Variants in XKR9 observed in about 807,000 individuals in gnomAD.
XKR9 encodes the protein XK related 9, also known as XK-related protein 9.
XKR9 carries 32 observed loss-of-function variants against 32.0 expected under a neutral mutation model. The ratio of observed to expected loss-of-function variants is 1.00; its 90% confidence interval spans 0.76 to 1.34. The LOEUF (loss-of-function observed/expected upper bound fraction) is 1.34. XKR9 is among the 40% of genes most tolerant of loss of function. The pLI, the probability that XKR9 is intolerant of heterozygous loss-of-function variation, is 0.00. For synonymous variants in XKR9, 168 were observed against 143.4 expected (o/e 1.17, Z -1.22); for missense variants, 546 against 429.7 (o/e 1.27, Z -2.39).
chr8:71,014,079 C>T, the XKR9 span, among the ~76,000 whole-genome samples: 1 of 152,048 alleles, frequency 6.6e-6, no homozygotes, highest in Non-Finnish European at 1.5e-5. Flanking sequence ...TCTGTGACTC[C>T]GGAGTTTTCA....
chr8:70,778,215 ATTTCTTG>A (rs1259926821), intron 2 of XKR9, among the ~76,000 whole-genome samples: 1 of 152,134 alleles, frequency 6.6e-6, no homozygotes, highest in African/African-American at 2.4e-5. Flanking sequence ...TCCTTTCCCC[ATTTCTTG>A]TTTTTGTCAG....
chr8:70,819,974 G>A, the XKR9 span, among the ~76,000 whole-genome samples: 6 of 152,112 alleles, frequency 3.9e-5, no homozygotes, highest in African/African-American at 1.4e-4. Context: ...TTCTAACAAG[G>A]CCCCTTTGGA....
the XKR9 span, among the ~76,000 whole-genome samples, chr8:71,031,680 G>A: frequency 4.6e-5 from 7 of 152,318 alleles, no homozygotes; most frequent in South Asian, 1.2e-3. Flanking sequence ...AAATCCTTGA[G>A]TGGCACCTGA....
the XKR9 span, among the ~76,000 whole-genome samples, chr8:71,030,376 T>C: frequency 6.6e-6 from 1 of 152,174 alleles, no homozygotes; most frequent in Non-Finnish European, 1.5e-5. Flanking sequence ...GGGAGCTGAG[T>C]AGGGCAAGTA....
chr8:70,794,528 C>T (rs1461359532), downstream of XKR9, among the ~76,000 whole-genome samples: 1 of 151,866 alleles, frequency 6.6e-6, no homozygotes, highest in Non-Finnish European at 1.5e-5. Context: ...GTTCTGTTTT[C>T]CTAGTTTGTT....
chr8:70,740,358 T>G (rs1434423555), downstream of XKR9, among the ~76,000 whole-genome samples: 3 of 152,098 alleles, frequency 2.0e-5, no homozygotes, highest in African/African-American at 4.8e-5. Context: ...TTATTCTAGT[T>G]ATACATTTGT....
At chr8:70,959,304 A>G in the XKR9 span, among the ~76,000 whole-genome samples, 2 of 152,190 alleles carry the variant, frequency 1.3e-5, no homozygotes, top group African/African-American at 2.4e-5. Context: ...TTTTTCACAT[A>G]TAGGATATTA....
chr8:70,885,818 G>A, the XKR9 span, among the ~76,000 whole-genome samples: 8 of 152,078 alleles, frequency 5.3e-5, no homozygotes, highest in South Asian at 4.1e-4. Context: ...GGATGGTCTC[G>A]ATCTCCTGAC....
chr8:70,846,373 A>G, the XKR9 span, among the ~76,000 whole-genome samples: 1 of 152,100 alleles, frequency 6.6e-6, no homozygotes, highest in Non-Finnish European at 1.5e-5. Context: ...ATAAAACACA[A>G]GGCTAGAGAA....
chr8:70,724,443 A>AAAC (rs1192496464), intron 4 of XKR9, among the ~76,000 whole-genome samples: 1 of 151,870 alleles, frequency 6.6e-6, no homozygotes, highest in East Asian at 2.0e-4. Context: ...AAAAAAAAAA[A>AAAC]AAACTCCTGC....
the XKR9 span, among the ~76,000 whole-genome samples, chr8:71,017,987 C>CT: frequency 6.6e-6 from 1 of 152,296 alleles, no homozygotes; most frequent in African/African-American, 2.4e-5. Flanking sequence ...TTGGTAGTAT[C>CT]TGTAACAACG....
chr8:70,916,968 C>T, the XKR9 span, among the ~76,000 whole-genome samples: 2 of 149,838 alleles, frequency 1.3e-5, no homozygotes, highest in African/African-American at 4.9e-5. Flanking sequence ...TTTTCTAATT[C>T]TTTACTGTTG....
chr8:70,783,962 C>A lies in XKR9; in HGVS notation n.353-5377C>A, dbSNP rs1365194903. On this transcript the variant is annotated intron_variant and non_coding_transcript_variant, in intron 2 of 3. Coordinates refer to the XKR9 transcript ENST00000520273. ...CGACACCATTTATTGAAGAGACTGT[C>A]TTTTTCCAATGCGTGTCCTTAGCAC... Among the ~76,000 whole-genome samples the A allele has an allele frequency of 2.6e-5, 4 of 152,170 alleles. No homozygotes were observed. The East Asian group carries it at 7.7e-4, about 29-fold the overall frequency.
the XKR9 span, among the ~76,000 whole-genome samples, chr8:71,007,371 T>A: frequency 6.6e-6 from 1 of 152,238 alleles, no homozygotes; most frequent in African/African-American, 2.4e-5. Context: ...CTGTCATCCC[T>A]GTTTAGGGAG....
chr8:70,903,897 C>T, the XKR9 span, among the ~76,000 whole-genome samples: 1 of 152,014 alleles, frequency 6.6e-6, no homozygotes, highest in Non-Finnish European at 1.5e-5. Flanking sequence ...TCATTATGTA[C>T]CCAGTAGTCC....
intron 2 of XKR9, among the ~76,000 whole-genome samples, chr8:70,785,554 G>C (rs1314578863): frequency 1.5e-5 from 2 of 132,782 alleles, no homozygotes; most frequent in Admixed American, 7.5e-5. Context: ...CTTGCTTTGG[G>C]TTTAGTTTCT....
the XKR9 span, among the ~76,000 whole-genome samples, chr8:71,061,056 G>T: frequency 2.6e-5 from 4 of 152,184 alleles, no homozygotes; most frequent in Admixed American, 1.3e-4. Flanking sequence ...CCATGAGGTA[G>T]GTAGTTTTAA....
At chr8:70,670,060 G>A (rs1429034639) in intron 1 of XKR9, among the ~76,000 whole-genome samples, 3 of 152,124 alleles carry the variant, frequency 2.0e-5, no homozygotes, top group Non-Finnish European at 2.9e-5. Context: ...CCGACTTAAC[G>A]CCCTTAATCC....
the XKR9 span, among the ~76,000 whole-genome samples, chr8:70,919,098 G>C: frequency 6.6e-6 from 1 of 152,062 alleles, no homozygotes; most frequent in Admixed American, 6.6e-5. Flanking sequence ...CTTTACAGTG[G>C]TAGCATGATT....
Sources: gnomAD v4.1 joint callset for allele counts (sites outside exome capture counted in the v4.1 genomes callset) on GRCh38, gnomAD v4.1.1 for gene constraint, MANE v1.5 for transcripts, NCBI Gene and HGNC (gene_info 2026-07-23, HGNC 2026-07-21) for gene names.